Variants in SH2B2 observed in about 807,000 individuals in gnomAD.
SH2B2 encodes the protein SH2B adapter protein 2.
A neutral mutation model predicts 35.7 loss-of-function variants in SH2B2; 37 were observed. The ratio of observed to expected loss-of-function variants is 1.04; its 90% CI spans 0.80 to 1.36. SH2B2 has a LOEUF of 1.36. SH2B2 is among the 40% of genes most tolerant of loss of function. The pLI is 0.00. For missense variants in SH2B2, 852 were observed against 817.7 expected, an observed-to-expected ratio of 1.04 and a Z score of -0.51; for synonymous variants, 383 against 376.4, an observed-to-expected ratio of 1.02 and a Z score of -0.20.
In SH2B2 at chr7:102,297,489, A is replaced by G. The variant is rs1270058369; in HGVS notation, c.-29-3033A>G. On this transcript the variant is annotated intron_variant, in intron 1 of 8. Transcript: ENST00000444095. The surrounding 1 kb of genome is among the most constrained non-coding windows in gnomAD (Gnocchi z 4.3). ...AAGCATCTGCTGGGGTTCTTGGGAC[A>G]TATACCCCTTGAACGAGAGGGAACT... Among the ~76,000 whole-genome samples the G allele has an allele frequency of 6.6e-6, 1 of 152,150 alleles. No homozygotes were observed. Among genetic ancestry groups the G allele is most frequent in the East Asian group, 1.9e-4 (1 of 5,196 alleles).
upstream of SH2B2, among the ~76,000 whole-genome samples, chr7:102,285,812 G>A (rs1371957863): frequency 6.6e-6 from 1 of 152,132 alleles, no homozygotes; most frequent in Non-Finnish European, 1.5e-5. Flanking sequence ...GAGATGAGGG[G>A]AGAAGACACC....
chr7:102,300,425 C>T (rs1379918744), intron 1 of SH2B2, 97 bp from the exon 2 acceptor site: 31 of 1,398,942 alleles, frequency 2.2e-5, no homozygotes, highest in Admixed American at 5.6e-5. Context: ...CACACACCCA[C>T]ACAGCCCCAG....
chr7:102,320,405 G>T lies in SH2B2; in HGVS notation c.1470G>T (p.Met490Ile), dbSNP rs547573732. 6.2e-7 allele frequency: 1 copy of T among 1,613,562 alleles called. No individual in the cohort carries two copies. Among genetic ancestry groups the T allele is most frequent in the Non-Finnish European group, 8.5e-7 (1 of 1,179,864 alleles). ...QHLWFQSVLDMLRHFHTHPIP... is the reference protein window; with the variant it reads ...QHLWFQSVLDILRHFHTHPIP... Reference sequence around the variant, plus strand: ...TGTGGTTCCAGTCTGTGCTTGACATGCTCCGCCACTTCCACACACACCCCA... The same window carrying T: ...TGTGGTTCCAGTCTGTGCTTGACATTCTCCGCCACTTCCACACACACCCCA... The change falls in exon 8 of 9, where the codon ATG becomes ATT. Residue 490 changes from methionine (M) to isoleucine (I), a missense_variant. Transcript: ENST00000444095.
At position 102,300,957 on chromosome 7, in the gene SH2B2, C is replaced by G; in HGVS notation, c.407C>G (p.Ser136Trp). The G allele has an allele frequency of 6.7e-7, 1 of 1,488,560 alleles. No individual in the cohort carries two copies. 92.2% of individuals were successfully genotyped at this position (1,488,560 alleles called of 1,614,324 possible). The change falls in exon 2 of 9, where the codon TCG becomes TGG. Residue 136 changes from serine (S) to tryptophan (W), a missense_variant. By Grantham distance (177) the Ser-to-Trp change is radical. Transcript: ENST00000444095. Reference sequence around the variant, plus strand: ...AAGGCCCGCGTTCGCAAGGGCTTCTCGCTGCGCAACATGAGCCTGTGCGTG... The same window carrying G: ...AAGGCCCGCGTTCGCAAGGGCTTCTGGCTGCGCAACATGAGCCTGTGCGTG... ...ATKARVRKGF[S>W]LRNMSLCVVD...
At position 102,300,814 on chromosome 7, in the gene SH2B2, G is replaced by A. The variant is rs1428878492; in HGVS notation, c.264G>A (p.Arg88=). The A allele has an allele frequency of 2.7e-6, 4 of 1,482,844 alleles. No individual in the cohort carries two copies. The Admixed American group carries it at 7.1e-5, about 26-fold the overall frequency. The allele number at this position is 1,482,844 out of a possible 1,614,324, so 91.9% of individuals were successfully genotyped here. Residue 88 remains arginine (R), a synonymous_variant, in exon 2 of 9, where the codon CGG becomes CGA. Transcript: ENST00000444095. ...RRVLVAGPTT[R]GAAVSAEAME... is the part of the protein sequence containing the mutation. ...TGCTGGTGGCTGGGCCGACGACTCGGGGCGCGGCCGTGAGCGCAGAGGCCA... is the reference window on the plus strand; with the variant it reads ...TGCTGGTGGCTGGGCCGACGACTCGAGGCGCGGCCGTGAGCGCAGAGGCCA...
At position 102,321,596 on chromosome 7, in the gene SH2B2, C is replaced by G. The variant is rs1264276958; in HGVS notation, c.1865C>G (p.Ala622Gly). 3 of 1,159,096 alleles carry G rather than the reference C, an allele frequency of 2.6e-6. No homozygotes were observed. Among genetic ancestry groups the G allele is most frequent in the Non-Finnish European group, 3.2e-6 (3 of 942,296 alleles). The allele number at this position is 1,159,096 out of a possible 1,614,324, so 71.8% of individuals were successfully genotyped here. A position where few individuals can be genotyped will look rare whatever the true frequency, so the allele number is the denominator to read the frequency against. The change falls in exon 9 of 9, where the codon GCG becomes GGG. Residue 622 changes from alanine (A) to glycine (G), a missense_variant. Ala to Gly is a moderately conservative substitution (Grantham distance 60). Around this residue, in one of 3 missense-constraint regions of SH2B2, gnomAD observed 556 missense variants for 514.5 expected, o/e 1.08. Transcript: ENST00000444095. Reference protein sequence around the residue: ...EEPPEAAPGRARAVENQYSFY With the variant: ...EEPPEAAPGRGRAVENQYSFY The stretch of plus-strand genomic sequence containing the variant: ...CCCCCGGAGGCCGCGCCCGGCCGCG[C>G]GCGCGCCGTGGAGAACCAGTACTCC...
chr7:102,320,288 C>A lies in SH2B2; in HGVS notation c.1396-43C>A, dbSNP rs527778135. On this transcript the variant is annotated intron_variant, in intron 7 of 8. Coordinates refer to ENST00000444095, the MANE Select transcript of SH2B2 (RefSeq NM_001359228.2). ...CCCCAAAGGCGCTTACCCAGGTGCCCAGCCCCGGACCTGCCCCTGACCACA... is the reference window on the plus strand; with the variant it reads ...CCCCAAAGGCGCTTACCCAGGTGCCAAGCCCCGGACCTGCCCCTGACCACA... 10 of 1,538,094 alleles carry A rather than the reference C, an allele frequency of 6.5e-6. No homozygotes were observed. In the East Asian group the frequency reaches 2.0e-4, roughly 31 times the overall value.
intron 6 of SH2B2, 67 bp from the exon 7 acceptor site, chr7:102,317,120 C>T: frequency 7.7e-7 from 1 of 1,299,894 alleles, no homozygotes; most frequent in East Asian, 2.6e-5. Context: ...CCTCTCTTCT[C>T]ACATTTATTT....
intron 2 of SH2B2, among the ~76,000 whole-genome samples, chr7:102,302,491 C>T (rs533019659): frequency 1.3e-5 from 2 of 152,380 alleles, no homozygotes; most frequent in South Asian, 2.1e-4. Flanking sequence ...CCATCAGGTC[C>T]CTGGCAGTAG....
intron 1 of SH2B2, among the ~76,000 whole-genome samples, chr7:102,290,726 G>C (rs1014382822): frequency 3.3e-5 from 5 of 152,190 alleles, no homozygotes; most frequent in Non-Finnish European, 5.9e-5. Flanking sequence ...CTTTCTTACA[G>C]GGAAGATGTG....
chr7:102,286,690 A>G (rs1171880077), upstream of SH2B2, among the ~76,000 whole-genome samples: 6 of 148,330 alleles, frequency 4.0e-5, no homozygotes, highest in Non-Finnish European at 9.0e-5. Context: ...GGAGCCAGCA[A>G]GCACCGGCCA....
Position 102,291,520 on chromosome 7 carries a change from C to T in SH2B2, c.-30+4426C>T, listed in dbSNP as rs117758210. 8.9e-4 allele frequency among the ~76,000 whole-genome samples: 136 copies of T among 152,316 alleles called. No individual in the cohort carries two copies. The East Asian group carries it at 0.025, about 28-fold the overall frequency. On this transcript the variant is annotated intron_variant, in intron 1 of 8. Transcript: ENST00000444095. ...GCTCTGAATCCACACCTGTCCCCAT[C>T]GCCAGCCAGAAGGCCCCCACCCATC...
intron 2 of SH2B2, among the ~76,000 whole-genome samples, chr7:102,306,084 T>G (rs1268385388): frequency 6.6e-6 from 1 of 151,768 alleles, no homozygotes; most frequent in African/African-American, 2.4e-5. Context: ...GGTCTCTTTT[T>G]GTTTCGTTTT....
chr7:102,309,072 C>G, intron 4 of SH2B2, 166 bp downstream of exon 4: 1 of 716,990 alleles, frequency 1.4e-6, no homozygotes, highest in Non-Finnish European at 2.5e-6. Context: ...TTAAAATACC[C>G]CCTACCTCCA....
intron 3 of SH2B2, among the ~76,000 whole-genome samples, chr7:102,307,500 G>A (rs1554555117): frequency 2.6e-5 from 4 of 152,096 alleles, no homozygotes; most frequent in Non-Finnish European, 5.9e-5. Flanking sequence ...TTGTGTTTCT[G>A]CCCGTTCTCA....
At chr7:102,303,213 G>A (rs1793263155) in intron 2 of SH2B2, among the ~76,000 whole-genome samples, 1 of 148,566 alleles carries the variant, frequency 6.7e-6, no homozygotes, top group South Asian at 2.1e-4. Flanking sequence ...GCGAAACTCT[G>A]TCTCAAAAAA....
intron 4 of SH2B2, among the ~76,000 whole-genome samples, chr7:102,312,719 G>A (rs1463969521): frequency 6.7e-6 from 1 of 148,520 alleles, no homozygotes; most frequent in Non-Finnish European, 1.5e-5. Flanking sequence ...TTTCTGCTCC[G>A]TTGCCCAAGC....
At chr7:102,312,229 G>A (rs1463498739) in intron 4 of SH2B2, among the ~76,000 whole-genome samples, 2 of 151,858 alleles carry the variant, frequency 1.3e-5, no homozygotes, top group African/African-American at 4.8e-5. Flanking sequence ...AAAATTAGCT[G>A]GGCCTGGTGG....
chr7:102,306,571 C>T, intron 2 of SH2B2, 150 bp from the exon 3 acceptor site: 2 of 637,766 alleles, frequency 3.1e-6, no homozygotes, highest in South Asian at 3.6e-5. Flanking sequence ...CTCAGCTTCC[C>T]CCTCTGTGAA....
Sources: allele counts gnomAD v4.1 joint callset (sites outside exome capture counted in the v4.1 genomes callset), GRCh38; gene constraint gnomAD v4.1.1; regional missense constraint gnomAD v4.1.1; non-coding constraint Gnocchi (gnomAD v3.1); transcripts MANE v1.5; gene names NCBI Gene and HGNC (gene_info 2026-07-23, HGNC 2026-07-21).